The following PTGES3 variants were observed in gnomAD, a reference collection of about 807,000 sequenced individuals.
PTGES3 encodes Hsp90 co-chaperone.
Under a neutral mutation model 29.9 loss-of-function variants are expected in PTGES3, and 5 were observed. The ratio of observed to expected loss-of-function variants is 0.17; its 90% CI spans 0.09 to 0.35. PTGES3 has a LOEUF of 0.35. Ranked by LOEUF, PTGES3 falls within the 10% of genes least tolerant of loss-of-function variation. PTGES3 has a pLI of 1.00. For missense variants in PTGES3, 128 were observed against 190.0 expected, an observed-to-expected ratio of 0.67 and a Z score of 1.92; for synonymous variants, 49 against 57.8, an observed-to-expected ratio of 0.85 and a Z score of 0.69.
chr12:56,680,616 G>C (rs1421773620), intron 1 of PTGES3, among the ~76,000 whole-genome samples: 1 of 151,932 alleles, frequency 6.6e-6, no homozygotes, highest in Non-Finnish European at 1.5e-5. Context: ...CCTGACCTCA[G>C]GTGATCCTCC....
intron 1 of PTGES3, among the ~76,000 whole-genome samples, chr12:56,683,969 AAACAAAAAAAAC>A (rs999950451): frequency 6.9e-6 from 1 of 145,798 alleles, no homozygotes; most frequent in Non-Finnish European, 1.6e-5. Context: ...AAAAAAAAAA[AAACAAAAAAAAC>A]AAACAAAAAA....
At chr12:56,665,167 G>A (rs1350632813) in intron 6 of PTGES3, 17 of 984,902 alleles carry the variant, frequency 1.7e-5, no homozygotes, top group African/African-American at 1.2e-4. Context: ...AATATTAAGT[G>A]TTTTTCTAAA....
chr12:56,686,341 T>C (rs554333021), intron 1 of PTGES3, among the ~76,000 whole-genome samples: 14 of 151,322 alleles, frequency 9.3e-5, no homozygotes, highest in Admixed American at 2.0e-4. Context: ...AGCTTTCAAA[T>C]AGAAAAGCAA....
rs780940288 is a variant in PTGES3 at position 56,673,031 on chromosome 12, C to T, written c.37G>A (p.Asp13Asn). 6.2e-7 allele frequency: 1 copy of T among 1,608,214 alleles called. No homozygotes were observed. Among genetic ancestry groups the T allele is most frequent in the Non-Finnish European group, 8.5e-7 (1 of 1,178,622 alleles). ...PASAKWYDRR[D>N]YVFIEFCVED... ...ACACAAAATTCAATGAAGACATAGT[C>T]CCTTCGATCGTACCACTTTGCAGAA... The change falls in exon 2 of 8, where the codon GAC (aspartate) becomes AAC (asparagine). Residue 13 changes from aspartate to asparagine, a missense_variant. Physicochemically the swap from Asp to Asn is conservative, Grantham distance 23. Transcript: ENST00000262033.
intron 1 of PTGES3, among the ~76,000 whole-genome samples, chr12:56,686,678 A>C (rs1193718977): frequency 1.3e-5 from 2 of 152,042 alleles, no homozygotes; most frequent in Non-Finnish European, 2.9e-5. Context: ...CGCCCAGCCT[A>C]ATTCAAATTT....
intron 5 of PTGES3, among the ~76,000 whole-genome samples, chr12:56,667,557 A>G (rs1163523976): frequency 6.6e-6 from 1 of 152,218 alleles, no homozygotes; most frequent in Non-Finnish European, 1.5e-5. Context: ...TATGTGAAAT[A>G]AGCCAGTCAC....
At chr12:56,680,781 GT>G (rs11302495) in intron 1 of PTGES3, among the ~76,000 whole-genome samples, 103,623 of 141,846 alleles carry the variant, frequency 0.73, 37,900 homozygotes, top group African/African-American at 0.86. Context: ...TTTTTTAAAA[GT>G]TTTTTTTTTT....
In PTGES3 at chr12:56,670,286, G is replaced by A. The variant is rs374027813; in HGVS notation, c.364C>T (p.Arg122Cys). 15 of 1,610,848 alleles carry A rather than the reference G, an allele frequency of 9.3e-6. No individual in the cohort carries two copies. The highest frequency in any genetic ancestry group is 2.2e-5 in the South Asian group (2 of 90,998). The change falls in exon 5 of 8, where the codon CGT (arginine) becomes TGT (cysteine). Residue 122 changes from arginine (R) to cysteine (C), a missense_variant. Physicochemically the swap from Arg to Cys is radical, Grantham distance 180. Coordinates refer to ENST00000262033, the MANE Select transcript of PTGES3 (RefSeq NM_006601.7). ...DSDEDMSNFD[R>C]FSEMMNNMGG... ...TTAAAGGAACTTACCTCAGAGAAAC[G>A]ATCAAAATTAGACATGTCTTCATCT...
In PTGES3 at chr12:56,688,144, C is replaced by A; in HGVS notation, c.-145G>T. On this transcript the variant is annotated 5_prime_UTR_variant, in exon 1 of 8. Coordinates refer to ENST00000262033, the MANE Select transcript of PTGES3 (RefSeq NM_006601.7). ...TCTCGCTTCCCTCAGGCGACGGCGG[C>A]AGCGGCGGGCTCGACCTCGGGCCCC... The A allele has an allele frequency of 7.3e-7, 1 of 1,377,034 alleles. No homozygotes were observed. Among genetic ancestry groups the A allele is most frequent in the Non-Finnish European group, 9.4e-7 (1 of 1,063,324 alleles). The allele number at this position is 1,377,034 out of a possible 1,614,324, so 85.3% of individuals were successfully genotyped here.
chr12:56,670,243 G>T (rs189729881), intron 5 of PTGES3, 32 bp downstream of exon 5: 12 of 1,451,826 alleles, frequency 8.3e-6, no homozygotes, highest in African/African-American at 1.4e-5. Context: ...CGTGTGCTTC[G>T]AATGGGGAGA....
intron 6 of PTGES3, 118 bp from the exon 7 acceptor site, chr12:56,664,918 A>C (rs186301615): frequency 1.4e-6 from 2 of 1,453,640 alleles, no homozygotes; most frequent in East Asian, 4.9e-5. Flanking sequence ...GTAGGTAGTC[A>C]TATCAAGCCT....
intron 6 of PTGES3, chr12:56,665,983 G>A: frequency 7.8e-7 from 1 of 1,273,890 alleles, no homozygotes; most frequent in Non-Finnish European, 1.0e-6. Context: ...ATGATTCTTT[G>A]GAAATCTAAT....
intron 5 of PTGES3, among the ~76,000 whole-genome samples, chr12:56,668,185 C>CAA (rs1183161809): frequency 6.6e-6 from 1 of 152,058 alleles, no homozygotes; most frequent in Non-Finnish European, 1.5e-5. Context: ...TAAACACACA[C>CAA]AAAAAAGGAT....
At position 56,666,209 on chromosome 12, in the gene PTGES3, C is replaced by T; in HGVS notation, c.433G>A (p.Asp145Asn). 6.2e-7 allele frequency: 1 copy of T among 1,609,166 alleles called. No individual in the cohort carries two copies. The highest frequency in any genetic ancestry group is 8.5e-7 in the Non-Finnish European group (1 of 1,177,606). ...DVDLPEVDGA[D>N]DDSQDSDDEK... ...AAAAGAATTTTTAGACTTACATCAT[C>T]TGCTCCATCTACTTCTGGTAAATCT... Residue 145 changes from aspartate (D) to asparagine (N), a missense_variant, in exon 6 of 8, where the codon GAT (aspartate) becomes AAT (asparagine). Coordinates refer to ENST00000262033, the MANE Select transcript of PTGES3 (RefSeq NM_006601.7).
At position 56,686,894 on chromosome 12, in the gene PTGES3, CCT is replaced by C. The variant is rs1952889523; in HGVS notation, c.2+1102_2+1103del. 3.5e-5 allele frequency: 14 copies of C among 397,646 alleles called. 1 individual carries two copies. Among genetic ancestry groups the C allele is most frequent in the African/African-American group, 2.9e-4 (14 of 48,364 alleles). 24.6% of individuals were successfully genotyped at this position (397,646 alleles called of 1,614,324 possible). On this transcript the variant is annotated intron_variant, in intron 1 of 7. Transcript: ENST00000262033. ...TTTTCCAAAGACATAAAGTCACTCC[CCT>C]CTTCTCTCTTCTGAATGGAGTCTAA...
intron 1 of PTGES3, chr12:56,687,003 GTCAAA>G: frequency 1.5e-5 from 1 of 66,634 alleles, no homozygotes; most frequent in Non-Finnish European, 2.5e-5. Context: ...ATAACCTCCC[GTCAAA>G]AAAAAAAAAA....
At chr12:56,677,297 C>G (rs528169575) in intron 1 of PTGES3, among the ~76,000 whole-genome samples, 1 of 150,366 alleles carries the variant, frequency 6.7e-6, no homozygotes, top group African/African-American at 2.4e-5. Flanking sequence ...TTACCTTGAA[C>G]AGCTTTCACC....
chr12:56,667,765 G>A (rs1469975862), intron 5 of PTGES3, among the ~76,000 whole-genome samples: 1 of 152,198 alleles, frequency 6.6e-6, no homozygotes, highest in African/African-American at 2.4e-5. Context: ...ACCTACTACT[G>A]TACAGCATTA....
chr12:56,679,655 CCT>C (rs1458046220), intron 1 of PTGES3, among the ~76,000 whole-genome samples: 2 of 152,024 alleles, frequency 1.3e-5, no homozygotes, highest in African/African-American at 4.8e-5. Context: ...AACTCAGCCC[CCT>C]CTCCATATGT....
Sources: allele counts gnomAD v4.1 joint callset (sites outside exome capture counted in the v4.1 genomes callset), GRCh38; gene constraint gnomAD v4.1.1; transcripts MANE v1.5; gene names NCBI Gene and HGNC (gene_info 2026-07-23, HGNC 2026-07-21).